MTUS2: variants seen among roughly 807,000 people sequenced by gnomAD.
MTUS2 encodes microtubule associated scaffold protein 2, also known as microtubule-associated tumor suppressor candidate 2.
In MTUS2, 40 loss-of-function variants were observed where a neutral mutation model predicts 114.1. The observed-to-expected ratio is 0.35, with a 90% CI of 0.27 to 0.46. MTUS2 has a LOEUF of 0.46. Ranked by LOEUF, MTUS2 falls within the 20% of genes least tolerant of loss-of-function variation. The pLI is 1.00. For missense variants in MTUS2, 1,679 were observed against 1,705.4 expected, an observed-to-expected ratio of 0.98 and a Z score of 0.27; for synonymous variants, 688 against 672.0, an observed-to-expected ratio of 1.02 and a Z score of -0.37.
chr13:29,396,650 A>G (rs1216637641), intron 8 of MTUS2, among the ~76,000 whole-genome samples: 8 of 152,190 alleles, frequency 5.3e-5, no homozygotes, highest in Non-Finnish European at 8.8e-5. Context: ...TCCTGTCAAA[A>G]ATATTTACTC....
chr13:28,839,186 A>C (rs1223176107), intron 1 of MTUS2, among the ~76,000 whole-genome samples: 1 of 152,168 alleles, frequency 6.6e-6, no homozygotes, highest in African/African-American at 2.4e-5. Flanking sequence ...CCTGTTGGAC[A>C]ATTTAGAGAA....
intron 2 of MTUS2, among the ~76,000 whole-genome samples, chr13:28,899,868 CTT>C (rs1489308315): frequency 6.6e-6 from 1 of 152,012 alleles, no homozygotes; most frequent in Non-Finnish European, 1.5e-5. Context: ...CTCAATTAAA[CTT>C]TTTTAAATTT....
Position 28,878,514 on chromosome 13 carries a change from GTGT to G in MTUS2, c.-243+38669_-243+38671del, listed in dbSNP as rs547587192. On this transcript the variant is annotated intron_variant, in intron 2 of 15. Transcript: ENST00000612955. ...CCACTGTACTTATAGGCCCTAGTATGTGTTGTTCTTCTCCCTGTGTCCATGTGT... is the reference window on the plus strand; with the variant it reads ...CCACTGTACTTATAGGCCCTAGTATGTGTTCTTCTCCCTGTGTCCATGTGT... Among the ~76,000 whole-genome samples the G allele has an allele frequency of 1.5e-3, 229 of 152,190 alleles. 1 individual carries two copies. Among genetic ancestry groups the G allele is most frequent in the African/African-American group, 5.1e-3 (213 of 41,536 alleles).
intron 2 of MTUS2, among the ~76,000 whole-genome samples, chr13:28,904,844 C>T (rs1424607219): frequency 6.6e-6 from 1 of 152,052 alleles, no homozygotes; most frequent in Non-Finnish European, 1.5e-5. Flanking sequence ...TTACCTTGGG[C>T]AGTATGGCCA....
chr13:29,334,892 C>T (rs1203804717), intron 7 of MTUS2, among the ~76,000 whole-genome samples: 1 of 152,202 alleles, frequency 6.6e-6, no homozygotes, highest in Non-Finnish European at 1.5e-5. Context: ...ACTTTAATCT[C>T]TTAATCCTGT....
chr13:28,820,132 C>G (rs1240733803), upstream of MTUS2, among the ~76,000 whole-genome samples: 2 of 146,928 alleles, frequency 1.4e-5, no homozygotes. Flanking sequence ...GCCGCCGGCC[C>G]CGCGGCTTCT....
In MTUS2 at chr13:29,505,452, G is replaced by C. The variant is rs1351284637; in HGVS notation, c.*2246G>C. ...CTAATTTCCACGTGGCCCTGGCTTC[G>C]TGGTTTGTTTGTTTTTTTTCTTTTG... On this transcript the variant is annotated 3_prime_UTR_variant, in exon 16 of 16. Transcript: ENST00000612955. The C allele has an allele frequency of 6.0e-6, 1 of 166,638 alleles. No homozygotes were observed. The highest frequency in any genetic ancestry group is 3.6e-4 in the South Asian group (1 of 2,782). The allele number at this position is 166,638 out of a possible 1,614,324, so 10.3% of individuals were successfully genotyped here. A position where few individuals can be genotyped will look rare whatever the true frequency, so the allele number is the denominator to read the frequency against.
chr13:28,888,419 C>CTTTTT (rs11447851), intron 2 of MTUS2, among the ~76,000 whole-genome samples: 1 of 135,794 alleles, frequency 7.4e-6, no homozygotes. Context: ...CTCTTGGCAT[C>CTTTTT]TTTTTTTTTT....
chr13:29,003,701 C>T (rs937291602), intron 2 of MTUS2, among the ~76,000 whole-genome samples: 4 of 152,142 alleles, frequency 2.6e-5, no homozygotes, highest in African/African-American at 9.7e-5. Context: ...CAAGAGAAGT[C>T]TTCTCAGGTC....
intron 6 of MTUS2, among the ~76,000 whole-genome samples, chr13:29,289,987 C>A (rs1898640648): frequency 6.6e-6 from 1 of 152,150 alleles, no homozygotes; most frequent in African/African-American, 2.4e-5. Flanking sequence ...TCTTTTTCCC[C>A]TGAATTTCCC....
At chr13:29,184,502 A>G (rs1483736520) in intron 5 of MTUS2, among the ~76,000 whole-genome samples, 4 of 152,218 alleles carry the variant, frequency 2.6e-5, no homozygotes, top group Non-Finnish European at 5.9e-5. Context: ...CCAAACTTGA[A>G]GCATTGGGAA....
chr13:29,043,982 C>T (rs2138570184), intron 4 of MTUS2, among the ~76,000 whole-genome samples: 1 of 152,188 alleles, frequency 6.6e-6, no homozygotes, highest in African/African-American at 2.4e-5. Flanking sequence ...ATTGTCAACA[C>T]TCAGTTTTCT....
chr13:29,451,587 A>ATTT (rs551756160), intron 9 of MTUS2, among the ~76,000 whole-genome samples: 18 of 145,060 alleles, frequency 1.2e-4, no homozygotes, highest in African/African-American at 3.3e-4. Context: ...GTACTGTCCA[A>ATTT]TTTTTTTTTT....
intron 8 of MTUS2, among the ~76,000 whole-genome samples, chr13:29,436,929 T>C (rs1418724070): frequency 6.6e-6 from 1 of 152,178 alleles, no homozygotes; most frequent in Non-Finnish European, 1.5e-5. Context: ...AGCATTAGGT[T>C]TTCACCAAAG....
intron 5 of MTUS2, among the ~76,000 whole-genome samples, chr13:29,254,889 T>C (rs980521602): frequency 3.3e-5 from 5 of 152,206 alleles, no homozygotes; most frequent in African/African-American, 1.2e-4. Flanking sequence ...TACACAGATA[T>C]GGACTTCTTG....
intron 5 of MTUS2, among the ~76,000 whole-genome samples, chr13:29,245,977 G>A (rs546842253): frequency 6.6e-6 from 1 of 152,300 alleles, no homozygotes; most frequent in South Asian, 2.1e-4. Flanking sequence ...GATTACAGGC[G>A]TGAGCCACCG....
At chr13:28,950,721 C>T (rs1220562760) in intron 2 of MTUS2, among the ~76,000 whole-genome samples, 1 of 151,872 alleles carries the variant, frequency 6.6e-6, no homozygotes, top group Non-Finnish European at 1.5e-5. Context: ...CATGGTGCTC[C>T]CAAAACAGTA....
chr13:29,407,037 G>A (rs1718347691), intron 8 of MTUS2, among the ~76,000 whole-genome samples: 1 of 152,174 alleles, frequency 6.6e-6, no homozygotes, highest in Admixed American at 6.5e-5. Context: ...TTGAGGTCAG[G>A]AGTTTGAGAC....
intron 5 of MTUS2, among the ~76,000 whole-genome samples, chr13:29,188,406 G>A (rs1054127392): frequency 6.6e-6 from 1 of 152,162 alleles, no homozygotes; most frequent in African/African-American, 2.4e-5. Flanking sequence ...AATGGCCTCT[G>A]CATATCAATC....
Sources: gnomAD v4.1 joint callset for allele counts (sites outside exome capture counted in the v4.1 genomes callset) on GRCh38, gnomAD v4.1.1 for gene constraint, MANE v1.5 for transcripts, NCBI Gene and HGNC (gene_info 2026-07-23, HGNC 2026-07-21) for gene names.